TAS2R1: variants seen among roughly 807,000 people sequenced by gnomAD.
The protein encoded by TAS2R1 is taste 2 receptor member 1.
For synonymous variants in TAS2R1, 141 were observed against 134.2 expected, an observed-to-expected ratio of 1.05 and a Z score of -0.35; for missense variants, 370 against 353.4, an observed-to-expected ratio of 1.05 and a Z score of -0.38.
chr5:9,857,019 A>T, the TAS2R1 span, among the ~76,000 whole-genome samples: 1 of 152,214 alleles, frequency 6.6e-6, no homozygotes, highest in African/African-American at 2.4e-5. Context: ...TGTAAAGTAA[A>T]ATAAGCCCAG....
At chr5:9,888,769 G>C in the TAS2R1 span, among the ~76,000 whole-genome samples, 2 of 152,154 alleles carry the variant, frequency 1.3e-5, no homozygotes, top group Admixed American at 6.5e-5. Context: ...ACAGGGAGGG[G>C]ATGACTCACA....
chr5:9,870,431 ATGAAAAGGTATACATCCTTTGTCTC>A, the TAS2R1 span, among the ~76,000 whole-genome samples: 1 of 152,292 alleles, frequency 6.6e-6, no homozygotes, highest in South Asian at 2.1e-4. Flanking sequence ...CTACCCTCCC[ATGAAAAGGTATACATCCTTTGTCTC>A]TGTAGTCTTA....
At chr5:9,728,630 G>A in the TAS2R1 span, among the ~76,000 whole-genome samples, 1 of 152,190 alleles carries the variant, frequency 6.6e-6, no homozygotes, top group African/African-American at 2.4e-5. Context: ...GTTCATGGGG[G>A]ATGAGAGCTG....
intron 1 of TAS2R1, among the ~76,000 whole-genome samples, chr5:9,690,699 T>C (rs912614756): frequency 9.2e-5 from 14 of 151,898 alleles, no homozygotes; most frequent in African/African-American, 2.9e-4. Flanking sequence ...AATTTGTAAC[T>C]GGACACAGAC....
chr5:9,750,942 C>A, the TAS2R1 span, among the ~76,000 whole-genome samples: 2 of 151,774 alleles, frequency 1.3e-5, no homozygotes, highest in African/African-American at 2.4e-5. Flanking sequence ...GGCAGAGATA[C>A]CATGTTATAC....
the TAS2R1 span, among the ~76,000 whole-genome samples, chr5:9,779,550 CAAGAGGAGAGG>C: frequency 6.6e-6 from 1 of 152,038 alleles, no homozygotes. Flanking sequence ...AATAGGGAGG[CAAGAGGAGAGG>C]AAGAGAGATG....
At chr5:9,667,771 C>T (rs956400257) in intron 1 of TAS2R1, among the ~76,000 whole-genome samples, 1 of 151,994 alleles carries the variant, frequency 6.6e-6, no homozygotes, top group African/African-American at 2.4e-5. Context: ...AACAAAGAAA[C>T]TCACCCAAAG....
intron 2 of TAS2R1, among the ~76,000 whole-genome samples, chr5:9,643,476 G>A (rs576735673): frequency 1.2e-4 from 18 of 152,238 alleles, no homozygotes; most frequent in African/African-American, 3.9e-4. Context: ...TTGCAGGACC[G>A]GAAGTTGCTC....
chr5:9,694,101 C>T (rs1390498867), intron 1 of TAS2R1, among the ~76,000 whole-genome samples: 2 of 152,104 alleles, frequency 1.3e-5, no homozygotes, highest in Admixed American at 6.6e-5. Context: ...CTTAGTAATT[C>T]ACAAACGAAG....
At chr5:9,747,047 G>A in the TAS2R1 span, among the ~76,000 whole-genome samples, 28 of 152,242 alleles carry the variant, frequency 1.8e-4, no homozygotes, top group African/African-American at 6.7e-4. Context: ...ATTGACAAAG[G>A]AGACTAAGTT....
chr5:9,791,631 G>A, the TAS2R1 span, among the ~76,000 whole-genome samples: 108 of 152,254 alleles, frequency 7.1e-4, no homozygotes, highest in African/African-American at 2.5e-3. Context: ...CCCAGGAGGT[G>A]GAGGTTGCAG....
the TAS2R1 span, among the ~76,000 whole-genome samples, chr5:9,837,419 G>A: frequency 3.6e-3 from 549 of 152,316 alleles, no homozygotes; most frequent in Non-Finnish European, 6.2e-3. Flanking sequence ...GTTTTAATCC[G>A]CAGGAACCTT....
At chr5:9,739,191 T>C in the TAS2R1 span, among the ~76,000 whole-genome samples, 1 of 152,192 alleles carries the variant, frequency 6.6e-6, no homozygotes, top group Non-Finnish European at 1.5e-5. Context: ...ACCTGCTCCC[T>C]CACCCCTACA....
At chr5:9,864,273 A>G in the TAS2R1 span, among the ~76,000 whole-genome samples, 1 of 152,182 alleles carries the variant, frequency 6.6e-6, no homozygotes, top group East Asian at 1.9e-4. Flanking sequence ...TGTTCATGCC[A>G]ACTTTCCCAC....
intron 1 of TAS2R1, among the ~76,000 whole-genome samples, chr5:9,697,180 A>AAAAAAAAGACAACCTCTTGAAAC (rs1309771120): frequency 6.6e-6 from 1 of 151,782 alleles, no homozygotes; most frequent in East Asian, 1.9e-4. Context: ...TTTTTGTTTA[A>AAAAAAAAGACAACCTCTTGAAAC]AAAAAAAGAC....
chr5:9,839,759 AAC>A, the TAS2R1 span, among the ~76,000 whole-genome samples: 35 of 152,338 alleles, frequency 2.3e-4, no homozygotes, highest in African/African-American at 7.9e-4. Context: ...TGTAAAAGTA[AAC>A]ACACGTCTTT....
chr5:9,732,666 T>C, the TAS2R1 span, among the ~76,000 whole-genome samples: 1 of 152,104 alleles, frequency 6.6e-6, no homozygotes, highest in South Asian at 2.1e-4. Context: ...CAAGCAAATA[T>C]GTAGAGATAA....
At chr5:9,755,935 G>C in the TAS2R1 span, among the ~76,000 whole-genome samples, 2 of 152,166 alleles carry the variant, frequency 1.3e-5, no homozygotes, top group Non-Finnish European at 2.9e-5. Flanking sequence ...ACTGCAAGTT[G>C]CTTTATCAGC....
chr5:9,651,014 G>C (rs1740295418), intron 2 of TAS2R1, among the ~76,000 whole-genome samples: 2 of 152,186 alleles, frequency 1.3e-5, no homozygotes, highest in Non-Finnish European at 2.9e-5. Context: ...TGGCAGGGAA[G>C]TAATTCATGA....
Sources: gnomAD v4.1 joint callset for allele counts (sites outside exome capture counted in the v4.1 genomes callset) on GRCh38, gnomAD v4.1.1 for gene constraint, MANE v1.5 for transcripts, NCBI Gene and HGNC (gene_info 2026-07-23, HGNC 2026-07-21) for gene names.